SULF2: variants seen among roughly 807,000 people sequenced by gnomAD.
The protein encoded by SULF2 is extracellular sulfatase Sulf-2.
SULF2 carries 52 observed loss-of-function variants against 107.7 expected under a neutral mutation model. That is an observed-to-expected ratio of 0.48 (90% confidence interval 0.39 to 0.61). The LOEUF (loss-of-function observed/expected upper bound fraction) is 0.61, where lower values mean the gene tolerates loss of function less well. SULF2 is among the 20% of genes least tolerant of loss of function. The pLI, the probability that SULF2 is intolerant of heterozygous loss-of-function variation, is 0.00. For missense variants in SULF2, 993 were observed against 1,177.3 expected (o/e 0.84, Z 2.29); for synonymous variants, 460 against 464.3 (o/e 0.99, Z 0.12).
At chr20:47,720,799 A>ATCTG (rs1268481766) in intron 3 of SULF2, among the ~76,000 whole-genome samples, 2 of 152,082 alleles carry the variant, frequency 1.3e-5, no homozygotes, top group African/African-American at 4.8e-5. Flanking sequence ...CACTTTCATG[A>ATCTG]TCTGTCATTT....
intron 1 of SULF2, among the ~76,000 whole-genome samples, chr20:47,777,804 C>G (rs2090750962): frequency 6.6e-6 from 1 of 152,090 alleles, no homozygotes; most frequent in African/African-American, 2.4e-5. Context: ...TTTCACCAAG[C>G]AGGAACATCT....
rs147048416 is a variant in SULF2 at position 47,706,241 on chromosome 20, C to T, written c.416-3571G>A. Among the ~76,000 whole-genome samples the T allele has an allele frequency of 4.2e-3, 635 of 152,216 alleles. 3 individuals carry two copies. Among genetic ancestry groups the T allele is most frequent in the African/African-American group, 0.015 (603 of 41,514 alleles). On this transcript the variant is annotated intron_variant, in intron 3 of 20. Transcript: ENST00000688720. ...GTTCAGGAAACAAGATTTCCTAAAC[C>T]TTGTGACCTTGACCCCCACCTCTAA...
intron 1 of SULF2, among the ~76,000 whole-genome samples, chr20:47,772,430 GCAA>G (rs1233625826): frequency 6.6e-6 from 1 of 150,908 alleles, no homozygotes; most frequent in Non-Finnish European, 1.5e-5. Context: ...TACTTAGATG[GCAA>G]CAGTATAAAG....
At chr20:47,775,576 C>T (rs779583614) in intron 1 of SULF2, among the ~76,000 whole-genome samples, 7 of 152,224 alleles carry the variant, frequency 4.6e-5, no homozygotes, top group Non-Finnish European at 1.0e-4. Context: ...AGAAATGTCA[C>T]AAATGACTAT....
At chr20:47,780,595 C>T (rs572439772) in intron 1 of SULF2, among the ~76,000 whole-genome samples, 2 of 152,118 alleles carry the variant, frequency 1.3e-5, no homozygotes, top group Non-Finnish European at 2.9e-5. Flanking sequence ...ACTTTGTTGC[C>T]CAGGCTGGAG....
intron 6 of SULF2, 133 bp downstream of exon 6, chr20:47,684,298 C>T: frequency 1.0e-6 from 1 of 956,506 alleles, no homozygotes; most frequent in Non-Finnish European, 1.5e-6. Context: ...CCAGGTCTAG[C>T]ACATGGGGCC....
chr20:47,696,855 G>A (rs1039719128), intron 4 of SULF2, among the ~76,000 whole-genome samples: 5 of 152,200 alleles, frequency 3.3e-5, no homozygotes, highest in African/African-American at 1.2e-4. Context: ...TCTTCCAGAG[G>A]AGGGATGCTT....
intron 4 of SULF2, among the ~76,000 whole-genome samples, chr20:47,693,592 G>A (rs750119989): frequency 2.6e-5 from 4 of 152,214 alleles, no homozygotes; most frequent in Admixed American, 1.3e-4. Context: ...ATGTTATATC[G>A]GGTGAGAAAA....
rs746804704 is a variant in SULF2, at chr20:47,659,736, TGAA to T, written c.2495-9_2495-7del. On this transcript the variant is annotated splice_region_variant and splice_polypyrimidine_tract_variant and intron_variant, in intron 18 of 20. Transcript: ENST00000688720. ...GCTTCCTCCATCTTTAAGTCCTAAA[TGAA>T]GGAGAAATGAAAAACAAAACAGGAG... 6.2e-7 allele frequency: 1 copy of T among 1,612,144 alleles called. No homozygotes were observed. Among genetic ancestry groups the T allele is most frequent in the South Asian group, 1.1e-5 (1 of 90,928 alleles).
intron 2 of SULF2, among the ~76,000 whole-genome samples, chr20:47,745,107 C>T (rs1285709844): frequency 6.6e-6 from 1 of 151,974 alleles, no homozygotes; most frequent in Non-Finnish European, 1.5e-5. Context: ...TTCAGCTTCC[C>T]TGTCTGTAAA....
At chr20:47,772,275 T>C (rs2090645026) in intron 1 of SULF2, among the ~76,000 whole-genome samples, 1 of 152,260 alleles carries the variant, frequency 6.6e-6, no homozygotes, top group Non-Finnish European at 1.5e-5. Context: ...TGGGGGACTG[T>C]GCTGTGTATC....
intron 3 of SULF2, among the ~76,000 whole-genome samples, chr20:47,725,007 A>C (rs2089400815): frequency 6.6e-6 from 1 of 152,240 alleles, no homozygotes; most frequent in Non-Finnish European, 1.5e-5. Context: ...AGCAATTTAT[A>C]ATGAAGATAA....
At position 47,663,428 on chromosome 20, in the gene SULF2, C is replaced by T. The variant is rs376191637; in HGVS notation, c.2227+25G>A. On this transcript the variant is annotated intron_variant, in intron 16 of 20. Transcript: ENST00000688720. The stretch of plus-strand genomic sequence containing the variant: ...CTTGAACCCCTGGGCCTCAGCCTGT[C>T]CACCCCTGCCCTGGGCTTGCTCACG... 53 of 1,604,824 alleles carry T rather than the reference C, an allele frequency of 3.3e-5. No individual in the cohort carries two copies. In the East Asian group the frequency reaches 8.0e-4, roughly 24 times the overall value.
chr20:47,731,187 C>CTTTTTTTTTTTTTTT (rs71183273), intron 3 of SULF2, among the ~76,000 whole-genome samples: 2 of 81,180 alleles, frequency 2.5e-5, no homozygotes, highest in African/African-American at 1.2e-4. Context: ...TGTATCTTCT[C>CTTTTTTTTTTTTTTT]TTTTTTTTTT....
intron 1 of SULF2, among the ~76,000 whole-genome samples, chr20:47,776,294 G>A (rs185182701): frequency 1.3e-5 from 2 of 152,292 alleles, no homozygotes; most frequent in East Asian, 3.9e-4. Flanking sequence ...ACATTTCTGC[G>A]AGCTGAACAG....
intron 1 of SULF2, among the ~76,000 whole-genome samples, chr20:47,780,694 C>G (rs1031546435): frequency 1.3e-5 from 2 of 152,152 alleles, no homozygotes; most frequent in African/African-American, 4.8e-5. Flanking sequence ...GCTGGAATTA[C>G]AGGCAAGCAC....
chr20:47,676,771 A>G (rs75264197), intron 9 of SULF2, 148 bp from the exon 10 acceptor site: 105,590 of 920,842 alleles, frequency 0.11, 7,418 homozygotes, highest in Non-Finnish European at 0.14. Flanking sequence ...GGGTCTTCTG[A>G]TGTTTAGGAA....
At chr20:47,663,273 G>T (rs911041566) in intron 16 of SULF2, 61 bp from the exon 17 acceptor site, 1 of 1,606,398 alleles carries the variant, frequency 6.2e-7, no homozygotes, top group African/African-American at 1.3e-5. Flanking sequence ...TCTGCCAACA[G>T]TGATTCCTGT....
Position 47,694,040 on chromosome 20 carries a change from G to A in SULF2, c.568-3745C>T, listed in dbSNP as rs1002027376. On this transcript the variant is annotated intron_variant, in intron 4 of 20. Transcript: ENST00000688720. The surrounding 1 kb of genome is among the most constrained non-coding windows in gnomAD (Gnocchi z 4.4). Reference sequence around the variant, plus strand: ...CCATCCTCCTCAGTGGCCACTCCTCGGCTAAGTCTTCCCCGATCTCTGCTA... The same window carrying A: ...CCATCCTCCTCAGTGGCCACTCCTCAGCTAAGTCTTCCCCGATCTCTGCTA... Among the ~76,000 whole-genome samples, 11 of 152,222 alleles carry A rather than the reference G, an allele frequency of 7.2e-5. No individual in the cohort carries two copies. Among genetic ancestry groups the A allele is most frequent in the Admixed American group, 2.6e-4 (4 of 15,300 alleles).
Sources: gnomAD v4.1 joint callset for allele counts (sites outside exome capture counted in the v4.1 genomes callset) on GRCh38, gnomAD v4.1.1 for gene constraint, Gnocchi (gnomAD v3.1) non-coding constraint, MANE v1.5 for transcripts, NCBI Gene and HGNC (gene_info 2026-07-23, HGNC 2026-07-21) for gene names.